Variants in CALN1 observed in about 807,000 individuals in gnomAD.
CALN1 encodes the protein calneuron 1, also known as calcium-binding protein 8.
CALN1 carries 17 observed loss-of-function variants against 30.6 expected under a neutral mutation model. The ratio of observed to expected loss-of-function variants is 0.56; its 90% CI spans 0.38 to 0.83. The LOEUF (loss-of-function observed/expected upper bound fraction) is 0.83. CALN1 is among the 40% of genes least tolerant of loss of function. The probability of loss-of-function intolerance (pLI) is 0.00; values close to 1 mark genes in which losing one functional copy is unlikely to be tolerated. For missense variants in CALN1, 291 were observed against 354.9 expected, an observed-to-expected ratio of 0.82 and a Z score of 1.45; for synonymous variants, 156 against 131.4, an observed-to-expected ratio of 1.19 and a Z score of -1.28.
chr7:72,337,330 ACCC>A, intron 2 of CALN1: 1 of 961,704 alleles, frequency 1.0e-6, no homozygotes, highest in Non-Finnish European at 1.2e-6. Context: ...GGGAGCCCCC[ACCC>A]CCCAACCTCC....
intron 5 of CALN1, among the ~76,000 whole-genome samples, chr7:72,016,878 C>A (rs1209505196): frequency 6.6e-6 from 1 of 151,186 alleles, no homozygotes; most frequent in Non-Finnish European, 1.5e-5. Flanking sequence ...CCAGGCTGGG[C>A]ACGGTGGCTC....
chr7:71,926,755 T>G (rs1795290349), intron 5 of CALN1, among the ~76,000 whole-genome samples: 1 of 152,200 alleles, frequency 6.6e-6, no homozygotes. Context: ...GTTCATAAAT[T>G]TTTTCTTTGG....
intron 4 of CALN1, among the ~76,000 whole-genome samples, chr7:72,090,170 C>T (rs1035519017): frequency 9.9e-5 from 15 of 152,116 alleles, no homozygotes; most frequent in Non-Finnish European, 1.8e-4. Flanking sequence ...GACCTGGTGG[C>T]GCATGCCTGT....
upstream of CALN1, among the ~76,000 whole-genome samples, chr7:72,450,363 T>C (rs1056706211): frequency 5.9e-5 from 9 of 152,160 alleles, no homozygotes; most frequent in Non-Finnish European, 5.9e-5. Context: ...GATGTACACC[T>C]GGCATAAACA....
intron 2 of CALN1, among the ~76,000 whole-genome samples, chr7:72,286,806 CAAG>C (rs1329927758): frequency 1.3e-5 from 2 of 152,074 alleles, no homozygotes; most frequent in African/African-American, 2.4e-5. Context: ...GAAGAACTTT[CAAG>C]AAGAAGTACA....
intron 4 of CALN1, among the ~76,000 whole-genome samples, chr7:72,027,722 AACAAAC>A (rs1346155981): frequency 2.7e-4 from 25 of 93,688 alleles, no homozygotes; most frequent in East Asian, 1.0e-3. Flanking sequence ...AAAACAAACA[AACAAAC>A]ACACACACAC....
At chr7:72,075,559 A>G (rs1563034526) in intron 4 of CALN1, among the ~76,000 whole-genome samples, 1 of 152,088 alleles carries the variant, frequency 6.6e-6, no homozygotes, top group Non-Finnish European at 1.5e-5. Context: ...GGCCACAGAG[A>G]AAGTGCTCAG....
At chr7:72,209,338 C>A (rs1278246077) in intron 3 of CALN1, among the ~76,000 whole-genome samples, 1 of 16,996 alleles carries the variant, frequency 5.9e-5, no homozygotes, top group Admixed American at 9.2e-4. Context: ...CTTTCCTTCC[C>A]TCTTTCCTTC....
chr7:71,825,449 G>A (rs1476800446), intron 5 of CALN1, among the ~76,000 whole-genome samples: 2 of 152,130 alleles, frequency 1.3e-5, no homozygotes, highest in South Asian at 2.1e-4. Flanking sequence ...TTTTATCATC[G>A]TATTAGTCCG....
intron 3 of CALN1, among the ~76,000 whole-genome samples, chr7:72,168,244 AAAAAG>A (rs1476676755): frequency 6.6e-6 from 1 of 152,202 alleles, no homozygotes; most frequent in African/African-American, 2.4e-5. Context: ...AAAAAAAAAA[AAAAAG>A]AAATAACTTG....
intron 5 of CALN1, among the ~76,000 whole-genome samples, chr7:71,835,011 T>A (rs1335588966): frequency 2.0e-5 from 3 of 151,930 alleles, no homozygotes; most frequent in African/African-American, 2.4e-5. Context: ...TTAAAAAAAA[T>A]TTTCATAGGG....
intron 5 of CALN1, among the ~76,000 whole-genome samples, chr7:71,868,167 A>G (rs1306714517): frequency 6.6e-6 from 1 of 152,162 alleles, no homozygotes; most frequent in Non-Finnish European, 1.5e-5. Flanking sequence ...CTGTTCTCGC[A>G]TGGCTATAAA....
At chr7:72,284,615 T>A (rs1161634643) in intron 2 of CALN1, among the ~76,000 whole-genome samples, 3 of 152,192 alleles carry the variant, frequency 2.0e-5, no homozygotes, top group African/African-American at 7.2e-5. Flanking sequence ...AGCTGGTACA[T>A]CAGTCTTAAT....
At chr7:72,495,435 C>A in the CALN1 span, among the ~76,000 whole-genome samples, 1 of 152,158 alleles carries the variant, frequency 6.6e-6, no homozygotes, top group Non-Finnish European at 1.5e-5. Flanking sequence ...TGATTGAGAC[C>A]TACTCTGCAC....
chr7:72,061,796 C>CAAAAAAA (rs1161510912), intron 4 of CALN1, among the ~76,000 whole-genome samples: 3 of 85,134 alleles, frequency 3.5e-5, no homozygotes, highest in African/African-American at 4.8e-5. Flanking sequence ...GACTCTGTCT[C>CAAAAAAA]AAAAAAAAAA....
intron 3 of CALN1, among the ~76,000 whole-genome samples, chr7:72,178,912 T>C (rs1789560738): frequency 6.6e-6 from 1 of 152,224 alleles, no homozygotes; most frequent in Non-Finnish European, 1.5e-5. Context: ...GTCTGGGTTT[T>C]CCGTGTTTTC....
At chr7:71,987,443 A>G (rs936692448) in intron 5 of CALN1, among the ~76,000 whole-genome samples, 1 of 152,206 alleles carries the variant, frequency 6.6e-6, no homozygotes, top group Admixed American at 6.5e-5. Context: ...TAAGCAGCCT[A>G]TGAATGCATG....
At chr7:72,338,532 A>G in intron 2 of CALN1, among the ~76,000 whole-genome samples, 1 of 32,692 alleles carries the variant, frequency 3.1e-5, no homozygotes, top group Admixed American at 3.5e-4. Flanking sequence ...TGTGTGTCTC[A>G]CCTGGGTGTG....
At chr7:72,441,592 C>T (rs1010234283) in intron 1 of CALN1, among the ~76,000 whole-genome samples, 17 of 106,188 alleles carry the variant, frequency 1.6e-4, no homozygotes, top group African/African-American at 3.4e-4. Flanking sequence ...AGCGACACTC[C>T]GTCTCAAAAA....
Sources: gnomAD v4.1 joint callset for allele counts (sites outside exome capture counted in the v4.1 genomes callset) on GRCh38, gnomAD v4.1.1 for gene constraint, MANE v1.5 for transcripts, NCBI Gene and HGNC (gene_info 2026-07-23, HGNC 2026-07-21) for gene names.